PDE4A: variants seen among roughly 807,000 people sequenced by gnomAD.
PDE4A encodes phosphodiesterase 4A, also known as 3',5'-cyclic-AMP phosphodiesterase 4A.
Under a neutral mutation model 73.9 loss-of-function variants are expected in PDE4A, and 21 were observed. The ratio of observed to expected loss-of-function variants is 0.28; its 90% CI spans 0.20 to 0.41. PDE4A has a LOEUF of 0.41. Among genes scored for constraint, PDE4A ranks in the 10% least tolerant of loss-of-function variants. The pLI is 1.00. For missense variants in PDE4A, 958 were observed against 1,211.4 expected, an observed-to-expected ratio of 0.79 and a Z score of 3.10; for synonymous variants, 463 against 505.4, an observed-to-expected ratio of 0.92 and a Z score of 1.13.
At chr19:10,465,522 C>G (rs2043351765) in intron 14 of PDE4A, among the ~76,000 whole-genome samples, 1 of 151,408 alleles carries the variant, frequency 6.6e-6, no homozygotes, top group Non-Finnish European at 1.5e-5. Context: ...GCCCAGCCTC[C>G]CCCTGCTCAT....
chr19:10,464,172 A>C (rs1008595350), intron 14 of PDE4A, among the ~76,000 whole-genome samples, 197 bp downstream of exon 14: 1 of 152,144 alleles, frequency 6.6e-6, no homozygotes, highest in Non-Finnish European at 1.5e-5. Context: ...ATCTTGGCTC[A>C]CTGCAACCTC....
Position 10,458,819 on chromosome 19 carries a change from A to C in PDE4A, c.1102-581A>C, listed in dbSNP as rs572773336. Reference sequence around the variant, plus strand: ...TTTTTAGTAGAAATGGGGTTTCACCATGTTGACCAGGCTGGTCTCGAACTC... The same window carrying C: ...TTTTTAGTAGAAATGGGGTTTCACCCTGTTGACCAGGCTGGTCTCGAACTC... On this transcript the variant is annotated intron_variant, in intron 8 of 14. Coordinates refer to ENST00000380702, the MANE Select transcript of PDE4A (RefSeq NM_001111307.2). The surrounding 1 kb of genome is among the most constrained non-coding windows in gnomAD (Gnocchi z 4.6). 2.6e-5 allele frequency: 4 copies of C among 153,986 alleles called. No homozygotes were observed. Among genetic ancestry groups the C allele is most frequent in the Admixed American group, 2.6e-4 (4 of 15,608 alleles). 9.5% of individuals were successfully genotyped at this position (153,986 alleles called of 1,614,324 possible).
At chr19:10,423,916 G>A (rs1215880202) in intron 1 of PDE4A, among the ~76,000 whole-genome samples, 1 of 152,250 alleles carries the variant, frequency 6.6e-6, no homozygotes, top group Non-Finnish European at 1.5e-5. Context: ...CATTCCCAGG[G>A]AAAAGGAGGA....
At chr19:10,420,350 G>C (rs1270854983), upstream of PDE4A, 1 of 977,038 alleles carries the variant, frequency 1.0e-6, no homozygotes. The surrounding 1 kb of genome is among the most constrained non-coding windows in gnomAD (Gnocchi z 6.0). Flanking sequence ...CTCCCAGCCC[G>C]GAGCGGGGAT....
At chr19:10,440,176 G>C (rs1029042348) in intron 1 of PDE4A, among the ~76,000 whole-genome samples, 7 of 151,718 alleles carry the variant, frequency 4.6e-5, no homozygotes, top group Admixed American at 1.3e-4. Flanking sequence ...GTAGAGACAG[G>C]GTTTCGGTAT....
upstream of PDE4A, chr19:10,416,830 G>T: frequency 1.3e-6 from 2 of 1,530,426 alleles, no homozygotes; most frequent in South Asian, 1.2e-5. Context: ...AGGCCCGACC[G>T]GCAGGGGGAG....
chr19:10,461,563 G>A lies in PDE4A; in HGVS notation c.1503G>A (p.Val501=). The change falls in exon 12 of 15, where the codon GTG becomes GTA. Residue 501 remains valine (V), a synonymous_variant. Coordinates refer to ENST00000380702, the MANE Select transcript of PDE4A (RefSeq NM_001111307.2). ...ELALMYNDES[V]LENHHLAVGF... is the part of the protein sequence containing the mutation. ...CGCTCATGTACAACGATGAGTCGGT[G>A]CTCGAGAATCACCACCTGGCCGTGG... 6.2e-7 allele frequency: 1 copy of A among 1,614,150 alleles called. No homozygotes were observed. Among genetic ancestry groups the A allele is most frequent in the South Asian group, 1.1e-5 (1 of 91,082 alleles).
chr19:10,446,435 A>G (rs1219881578), intron 2 of PDE4A, 26 bp downstream of exon 2: 2 of 1,595,250 alleles, frequency 1.3e-6, no homozygotes, highest in African/African-American at 2.7e-5. Flanking sequence ...CCCACATGCC[A>G]GTTCCCCCAG....
chr19:10,432,025 G>T (rs1599408809), intron 1 of PDE4A, among the ~76,000 whole-genome samples: 2 of 151,902 alleles, frequency 1.3e-5, no homozygotes, highest in South Asian at 4.1e-4. Flanking sequence ...GGGGGCGCAC[G>T]GCGATCAGCG....
At chr19:10,457,421 C>T (rs913385472) in intron 7 of PDE4A, among the ~76,000 whole-genome samples, 2 of 20,934 alleles carry the variant, frequency 9.6e-5, no homozygotes, top group Admixed American at 1.4e-3. Flanking sequence ...CAGGCTGGTG[C>T]CAAGGTGGGC....
At chr19:10,449,253 C>A in intron 4 of PDE4A, 103 bp downstream of exon 4, 1 of 1,258,056 alleles carries the variant, frequency 7.9e-7, no homozygotes, top group Non-Finnish European at 1.1e-6. Context: ...GGTGACCTCT[C>A]TGAACCTCTG....
chr19:10,421,262 G>A, intron 1 of PDE4A, 178 bp downstream of exon 1: 10 of 985,346 alleles, frequency 1.0e-5, no homozygotes, highest in Non-Finnish European at 1.2e-5. Flanking sequence ...CGCTCTACGG[G>A]AGGCTTCCTG....
rs1407128775 is a variant in PDE4A at position 10,427,592 on chromosome 19, T to C, written c.320+6508T>C. The C allele has an allele frequency of 4.1e-6, 4 of 985,274 alleles. No individual in the cohort carries two copies. In the African/African-American group the frequency reaches 7.0e-5, roughly 17 times the overall value. The allele number at this position is 985,274 out of a possible 1,614,324, so 61.0% of individuals were successfully genotyped here. On this transcript the variant is annotated intron_variant, in intron 1 of 14. Transcript: ENST00000380702. Reference sequence around the variant, plus strand: ...AAGCATCATTGGGCTGGAAGGAAACTCATCCATAAAGGGCTTGTGTAGCCT... The same window carrying C: ...AAGCATCATTGGGCTGGAAGGAAACCCATCCATAAAGGGCTTGTGTAGCCT...
chr19:10,420,751 T>G lies in PDE4A; in HGVS notation c.-14T>G. 1 of 1,543,552 alleles carries G rather than the reference T, an allele frequency of 6.5e-7. No individual in the cohort carries two copies. The highest frequency in any genetic ancestry group is 8.6e-7 in the Non-Finnish European group (1 of 1,157,464). On this transcript the variant is annotated 5_prime_UTR_variant, in exon 1 of 15. Coordinates refer to ENST00000380702, the MANE Select transcript of PDE4A (RefSeq NM_001111307.2). This position sits in a 1 kb window ranked among gnomAD's most constrained non-coding sequence, Gnocchi z 6.0. ...GGGCCAGGGCCCCCTGGGGCGCAAG[T>G]GGGGGCCGGCGCCATGGAACCCCCG...
chr19:10,422,835 G>A (rs368234748), intron 1 of PDE4A, among the ~76,000 whole-genome samples: 3 of 152,144 alleles, frequency 2.0e-5, no homozygotes, highest in African/African-American at 7.2e-5. Flanking sequence ...TAAAACTGGG[G>A]CAGGGGGCCA....
intron 7 of PDE4A, 55 bp downstream of exon 7, chr19:10,454,977 G>T: frequency 6.4e-7 from 1 of 1,554,042 alleles, no homozygotes; most frequent in South Asian, 1.1e-5. Flanking sequence ...GTAGAGAGGG[G>T]GCTGCCCCTG....
rs1185274207 is a variant in PDE4A, at chr19:10,457,898, G to A, written c.897G>A (p.Glu299=). The stretch of plus-strand genomic sequence containing the variant: ...CTGCAGACAAACAGAATGAAGTGGA[G>A]ATCCCATCACCCACGATGAAGGAAC... The part of the protein sequence containing the change: ...TTFLDKQNEV[E]IPSPTMKERE... Residue 299 remains glutamate (E), a synonymous_variant, in exon 8 of 15, where the codon GAG becomes GAA. Coordinates refer to ENST00000380702, the MANE Select transcript of PDE4A (RefSeq NM_001111307.2). 5 of 1,612,336 alleles carry A rather than the reference G, an allele frequency of 3.1e-6. No individual in the cohort carries two copies. In the East Asian group the frequency reaches 1.1e-4, roughly 36 times the overall value.
At chr19:10,451,268 A>C (rs2043087359) in intron 6 of PDE4A, among the ~76,000 whole-genome samples, 1 of 151,946 alleles carries the variant, frequency 6.6e-6, no homozygotes. Context: ...GGTGGGGCCA[A>C]CCCCTGGGCG....
chr19:10,461,987 C>T lies in PDE4A; in HGVS notation c.1731C>T (p.Ser577=), dbSNP rs2043280678. 1.2e-6 allele frequency: 2 copies of T among 1,613,358 alleles called. No individual in the cohort carries two copies. Among genetic ancestry groups the T allele is most frequent in the African/African-American group, 2.7e-5 (2 of 75,020 alleles). The part of the protein sequence containing the change: ...SSGVLLLDNY[S]DRIQVLRNMV... Reference sequence around the variant, plus strand: ...GGGTCCTCCTGCTAGATAACTACTCCGACCGCATCCAGGTGCCCCCACGCC... The same window carrying T: ...GGGTCCTCCTGCTAGATAACTACTCTGACCGCATCCAGGTGCCCCCACGCC... Residue 577 remains serine (S), a synonymous_variant, in exon 13 of 15, where the codon TCC becomes TCT. Coordinates refer to ENST00000380702, the MANE Select transcript of PDE4A (RefSeq NM_001111307.2).
Sources: gnomAD v4.1 joint callset for allele counts (sites outside exome capture counted in the v4.1 genomes callset) on GRCh38, gnomAD v4.1.1 for gene constraint, Gnocchi (gnomAD v3.1) non-coding constraint, MANE v1.5 for transcripts, NCBI Gene and HGNC (gene_info 2026-07-23, HGNC 2026-07-21) for gene names.